The following ZNF608 variants were observed in gnomAD, a reference collection of about 807,000 sequenced individuals.
ZNF608 encodes renal carcinoma antigen NY-REN-36.
ZNF608 carries 12 observed loss-of-function variants against 109.0 expected under a neutral mutation model. That is an observed-to-expected ratio of 0.11 (90% CI 0.07 to 0.18). The LOEUF (loss-of-function observed/expected upper bound fraction) is 0.18, where lower values mean the gene tolerates loss of function less well. Among genes scored for constraint, ZNF608 ranks in the 10% least tolerant of loss-of-function variants. The pLI, the probability that ZNF608 is intolerant of heterozygous loss-of-function variation, is 1.00. For synonymous variants in ZNF608, 732 were observed against 717.4 expected (o/e 1.02, Z -0.33); for missense variants, 1,707 against 1,879.3 (o/e 0.91, Z 1.70).
Position 124,662,997 on chromosome 5 carries a change from A to G in ZNF608, c.1163-13300T>C, listed in dbSNP as rs146810254. Among the ~76,000 whole-genome samples the G allele has an allele frequency of 1.8e-3, 279 of 152,374 alleles. 1 individual carries two copies. The highest frequency in any genetic ancestry group is 6.5e-3 in the African/African-American group (270 of 41,586). ...TTCATGGCAAATATCTGTGGGGATTAGTATATAGGGCAGGAAAATGCCTGA... is the reference window on the plus strand; with the variant it reads ...TTCATGGCAAATATCTGTGGGGATTGGTATATAGGGCAGGAAAATGCCTGA... On this transcript the variant is annotated intron_variant, in intron 3 of 9. Coordinates refer to ENST00000513986, the MANE Select transcript of ZNF608 (RefSeq NM_020747.3).
intron 3 of ZNF608, among the ~76,000 whole-genome samples, chr5:124,651,509 A>G (rs1337151130): frequency 6.6e-6 from 1 of 152,266 alleles, no homozygotes; most frequent in African/African-American, 2.4e-5. Flanking sequence ...TTTAGATCCA[A>G]TAGGCTGAAT....
chr5:124,736,956 G>A (rs983041689), intron 2 of ZNF608, among the ~76,000 whole-genome samples: 3 of 152,168 alleles, frequency 2.0e-5, no homozygotes, highest in African/African-American at 7.2e-5. Context: ...CAAAGACCAA[G>A]CTATTATTTC....
intron 3 of ZNF608, among the ~76,000 whole-genome samples, chr5:124,656,060 G>A (rs1024612203): frequency 3.3e-4 from 50 of 151,934 alleles, no homozygotes; most frequent in African/African-American, 1.2e-3. Context: ...GAGCCCTACC[G>A]CTGGGCTGAA....
At position 124,744,029 on chromosome 5, in the gene ZNF608, C is replaced by T. The variant is rs1420656590; in HGVS notation, c.906+55G>A. Reference sequence around the variant, plus strand: ...ACACAGAGGCACACCCCCACACACCCACACAAATGCACACAGAGGAGAGTA... The same window carrying T: ...ACACAGAGGCACACCCCCACACACCTACACAAATGCACACAGAGGAGAGTA... On this transcript the variant is annotated intron_variant, in intron 2 of 9. Transcript: ENST00000513986. The surrounding 1 kb of genome is among the most constrained non-coding windows in gnomAD (Gnocchi z 4.5). 2.6e-6 allele frequency: 4 copies of T among 1,529,234 alleles called. No homozygotes were observed. The East Asian group carries it at 9.1e-5, about 35-fold the overall frequency. 94.7% of individuals were successfully genotyped at this position (1,529,234 alleles called of 1,614,324 possible).
At chr5:124,703,774 A>ACAACAACAACAG (rs1378054287) in intron 2 of ZNF608, among the ~76,000 whole-genome samples, 1 of 152,128 alleles carries the variant, frequency 6.6e-6, no homozygotes, top group East Asian at 1.9e-4. Flanking sequence ...TCCCTTAAAA[A>ACAACAACAACAG]CAACAACAAC....
At chr5:124,739,544 A>G (rs1749293884) in intron 2 of ZNF608, among the ~76,000 whole-genome samples, 1 of 152,228 alleles carries the variant, frequency 6.6e-6, no homozygotes, top group African/African-American at 2.4e-5. Flanking sequence ...ATCTTTGGAA[A>G]AGCTGACCGC....
At chr5:124,745,763 C>G (rs1749617099) in intron 1 of ZNF608, among the ~76,000 whole-genome samples, 1 of 152,144 alleles carries the variant, frequency 6.6e-6, no homozygotes, top group Non-Finnish European at 1.5e-5. Flanking sequence ...AAAAAACAAC[C>G]AATAACTGCC....
At position 124,744,453 on chromosome 5, in the gene ZNF608, C is replaced by A; in HGVS notation, c.537G>T (p.Ala179=). 6.2e-7 allele frequency: 1 copy of A among 1,614,234 alleles called. No individual in the cohort carries two copies. Among genetic ancestry groups the A allele is most frequent in the South Asian group, 1.1e-5 (1 of 91,088 alleles). Reference sequence around the variant, plus strand: ...TGCTTTTCCCACAGGAGCCTGCCCCCGCGGTGGCGGCAGAGGTGCTGGTGC... The same window carrying A: ...TGCTTTTCCCACAGGAGCCTGCCCCAGCGGTGGCGGCAGAGGTGCTGGTGC... ...STSTSTSAAT[A]GAGSCGKSKE... is the part of the protein sequence containing the mutation. Residue 179 remains alanine, a synonymous_variant, in exon 2 of 10, where the codon GCG becomes GCT. Transcript: ENST00000513986. The surrounding 1 kb of genome is among the most constrained non-coding windows in gnomAD (Gnocchi z 4.5).
chr5:124,722,682 G>T (rs1753981428), intron 2 of ZNF608, among the ~76,000 whole-genome samples: 1 of 151,978 alleles, frequency 6.6e-6, no homozygotes. Context: ...GGAGGTGGGG[G>T]TTGAGGGTTG....
intron 2 of ZNF608, among the ~76,000 whole-genome samples, chr5:124,724,877 T>C (rs1754076809): frequency 6.6e-6 from 1 of 152,128 alleles, no homozygotes; most frequent in Non-Finnish European, 1.5e-5. Context: ...CACACTGAGA[T>C]ACGTTTAGAA....
chr5:124,641,228 C>T (rs760486129), intron 8 of ZNF608, 24 bp downstream of exon 8: 5 of 1,613,096 alleles, frequency 3.1e-6, no homozygotes, highest in Non-Finnish European at 4.2e-6. Flanking sequence ...TGGACAAAGA[C>T]ACAGTAATGA....
At position 124,727,733 on chromosome 5, in the gene ZNF608, C is replaced by CT. The variant is rs1182383879; in HGVS notation, c.906+16350dup. Among the ~76,000 whole-genome samples, 121 of 77,870 alleles carry CT rather than the reference C, an allele frequency of 1.6e-3. 1 individual carries two copies. The highest frequency in any genetic ancestry group is 5.3e-3 in the East Asian group (17 of 3,232). The allele number at this position is 77,870 out of a possible 152,430, so 51.1% of individuals were successfully genotyped here. On this transcript the variant is annotated intron_variant, in intron 2 of 9. Transcript: ENST00000513986. ...TATCTTGTTGCCAGCTCCAGGTATC[C>CT]TTTTTTTTTTTTTTTTTTTTTTTAA...
chr5:124,655,421 C>G (rs749858358), intron 3 of ZNF608, among the ~76,000 whole-genome samples: 1 of 152,154 alleles, frequency 6.6e-6, no homozygotes, highest in Admixed American at 6.5e-5. Context: ...TGGAATCAGA[C>G]AGAAGTTTTT....
rs1561524844 is a variant in ZNF608 at position 124,637,921 on chromosome 5, C to A, written c.4533-15G>T. The A allele has an allele frequency of 6.2e-7, 1 of 1,611,456 alleles. No homozygotes were observed. The highest frequency in any genetic ancestry group is 8.5e-7 in the Non-Finnish European group (1 of 1,178,832). Reference sequence around the variant, plus strand: ...CTTGTTATTCTCTGCAAAAGAAAAGCAAACCTTAGCACACGGTTCTATCAA... The same window carrying A: ...CTTGTTATTCTCTGCAAAAGAAAAGAAAACCTTAGCACACGGTTCTATCAA... On this transcript the variant is annotated splice_polypyrimidine_tract_variant and intron_variant, in intron 9 of 9. Coordinates refer to ENST00000513986, the MANE Select transcript of ZNF608 (RefSeq NM_020747.3).
At chr5:124,681,583 T>C (rs1269243295) in intron 3 of ZNF608, among the ~76,000 whole-genome samples, 2 of 151,738 alleles carry the variant, frequency 1.3e-5, no homozygotes, top group East Asian at 1.9e-4. Context: ...CTACAAAAAA[T>C]AGAAAGAAAA....
chr5:124,707,421 A>G (rs1753307268), intron 2 of ZNF608, among the ~76,000 whole-genome samples: 1 of 152,142 alleles, frequency 6.6e-6, no homozygotes, highest in Non-Finnish European at 1.5e-5. Context: ...TCTCACGTCT[A>G]TTGCCAAAAA....
At chr5:124,729,121 T>G (rs1748761702) in intron 2 of ZNF608, among the ~76,000 whole-genome samples, 1 of 152,242 alleles carries the variant, frequency 6.6e-6, no homozygotes, top group Admixed American at 6.5e-5. Flanking sequence ...GCATCAGTTC[T>G]GATTACCGTA....
chr5:124,720,467 A>T (rs912167501), intron 2 of ZNF608, among the ~76,000 whole-genome samples: 4 of 152,210 alleles, frequency 2.6e-5, no homozygotes, highest in African/African-American at 9.6e-5. Flanking sequence ...AACCACAACC[A>T]TGCTATAGCT....
At chr5:124,682,126 G>A (rs1752222514) in intron 3 of ZNF608, among the ~76,000 whole-genome samples, 1 of 152,222 alleles carries the variant, frequency 6.6e-6, no homozygotes, top group African/African-American at 2.4e-5. Context: ...AGGCTAGAGT[G>A]CAATGGTGCA....
Sources: allele counts gnomAD v4.1 joint callset (sites outside exome capture counted in the v4.1 genomes callset), GRCh38; gene constraint gnomAD v4.1.1; non-coding constraint Gnocchi (gnomAD v3.1); transcripts MANE v1.5; gene names NCBI Gene and HGNC (gene_info 2026-07-23, HGNC 2026-07-21).